Variants in LPGAT1 observed in about 807,000 individuals in gnomAD.
LPGAT1 encodes the protein acyl-CoA:lysophosphatidylglycerol acyltransferase 1.
A neutral mutation model predicts 47.5 loss-of-function variants in LPGAT1; 11 were observed. That is an observed-to-expected ratio of 0.23 (90% confidence interval 0.15 to 0.38). The LOEUF (loss-of-function observed/expected upper bound fraction) is 0.38, where lower values mean the gene tolerates loss of function less well. Ranked by LOEUF, LPGAT1 falls within the 10% of genes least tolerant of loss-of-function variation. The probability of loss-of-function intolerance (pLI) is 1.00; values close to 1 mark genes in which losing one functional copy is unlikely to be tolerated. For synonymous variants in LPGAT1, 138 were observed against 144.2 expected, an observed-to-expected ratio of 0.96 and a Z score of 0.31; for missense variants, 293 against 439.0, an observed-to-expected ratio of 0.67 and a Z score of 2.97.
chr1:211,806,235 G>A (rs1030598127), intron 2 of LPGAT1, among the ~76,000 whole-genome samples: 3 of 150,644 alleles, frequency 2.0e-5, no homozygotes, highest in African/African-American at 7.4e-5. Flanking sequence ...ATTACAGCCT[G>A]GGAAACAGGG....
chr1:211,749,845 T>C lies in LPGAT1; in HGVS notation c.*54A>G, dbSNP rs1657100326. On this transcript the variant is annotated 3_prime_UTR_variant, in exon 8 of 8. Coordinates refer to ENST00000366997, the MANE Select transcript of LPGAT1 (RefSeq NM_014873.3). ...TTTGCACATGTAAAATAATGCACAC[T>C]TATGAAAGAAAGTCTGAACTCCTAC... 6.4e-7 allele frequency: 1 copy of C among 1,569,088 alleles called. No homozygotes were observed. The highest frequency in any genetic ancestry group is 8.7e-7 in the Non-Finnish European group (1 of 1,150,584).
chr1:211,772,636 T>G (rs553892742), intron 6 of LPGAT1, among the ~76,000 whole-genome samples: 2 of 152,332 alleles, frequency 1.3e-5, no homozygotes, highest in African/African-American at 4.8e-5. Context: ...ACAAATAACA[T>G]TATATGATGC....
At position 211,748,254 on chromosome 1, in the gene LPGAT1, C is replaced by A. The variant is rs1328670298; in HGVS notation, c.*1645G>T. The A allele has an allele frequency of 1.3e-5, 2 of 152,594 alleles. No homozygotes were observed. The highest frequency in any genetic ancestry group is 4.8e-5 in the African/African-American group (2 of 41,434). 9.5% of individuals were successfully genotyped at this position (152,594 alleles called of 1,614,324 possible). ...ATAGTCTTACAATCCCAAACAAAAA[C>A]CCTACTCATCTCACTGATGCAGTAC... On this transcript the variant is annotated 3_prime_UTR_variant, in exon 8 of 8. Transcript: ENST00000366997.
chr1:211,824,327 G>A (rs1252838238), intron 2 of LPGAT1, among the ~76,000 whole-genome samples: 2 of 152,156 alleles, frequency 1.3e-5, no homozygotes, highest in Admixed American at 1.3e-4. Context: ...ACCTGAGAGA[G>A]AGAGGTTGTC....
At chr1:211,771,517 T>A (rs565178298) in intron 6 of LPGAT1, among the ~76,000 whole-genome samples, 8 of 152,118 alleles carry the variant, frequency 5.3e-5, no homozygotes, top group Non-Finnish European at 8.8e-5. Flanking sequence ...TATTATTATT[T>A]TTTTGAGACA....
At chr1:211,756,405 A>G (rs147020233) in intron 6 of LPGAT1, among the ~76,000 whole-genome samples, 12,753 of 152,260 alleles carry the variant, frequency 0.084, 658 homozygotes, top group Admixed American at 0.15. Flanking sequence ...ATCACAGCTC[A>G]CAGCAGCCTT....
intron 2 of LPGAT1, among the ~76,000 whole-genome samples, chr1:211,807,856 A>ACTTTTATG (rs1659818247): frequency 6.6e-6 from 1 of 152,122 alleles, no homozygotes; most frequent in Non-Finnish European, 1.5e-5. Context: ...TGACATGAAA[A>ACTTTTATG]ACACAAGCCA....
intron 5 of LPGAT1, 60 bp downstream of exon 5, chr1:211,783,169 C>A (rs1447516717): frequency 2.1e-6 from 3 of 1,414,398 alleles, no homozygotes; most frequent in Non-Finnish European, 2.9e-6. Context: ...TGATCATCTT[C>A]TGTAACTCCA....
At chr1:211,769,171 G>T (rs1332425009) in intron 6 of LPGAT1, among the ~76,000 whole-genome samples, 1 of 152,168 alleles carries the variant, frequency 6.6e-6, no homozygotes, top group Non-Finnish European at 1.5e-5. Context: ...GACACACTAG[G>T]AGCTTATGTA....
intron 2 of LPGAT1, among the ~76,000 whole-genome samples, chr1:211,809,943 G>A (rs191494679): frequency 9.2e-5 from 14 of 152,192 alleles, no homozygotes; most frequent in Admixed American, 3.3e-4. Context: ...CCAGGAATAC[G>A]TGTACAACAT....
chr1:211,779,410 G>A (rs1338985645), intron 5 of LPGAT1, among the ~76,000 whole-genome samples: 3 of 151,674 alleles, frequency 2.0e-5, no homozygotes, highest in East Asian at 1.9e-4. Flanking sequence ...AACAGACTTC[G>A]AAACAAAACA....
chr1:211,825,341 G>A (rs1397042126), intron 2 of LPGAT1, among the ~76,000 whole-genome samples: 1 of 151,740 alleles, frequency 6.6e-6, no homozygotes. Context: ...ACAGGCATAA[G>A]CCACTGTACC....
intron 3 of LPGAT1, among the ~76,000 whole-genome samples, chr1:211,791,765 AC>A (rs375507441): frequency 7.0e-6 from 1 of 142,012 alleles, no homozygotes; most frequent in Non-Finnish European, 1.6e-5. Context: ...AAAAAAAAAA[AC>A]AAACAAACAA....
chr1:211,784,593 A>C (rs184081436), intron 4 of LPGAT1, among the ~76,000 whole-genome samples: 9 of 152,114 alleles, frequency 5.9e-5, no homozygotes, highest in Middle Eastern at 3.4e-3. Flanking sequence ...CACACAAGGG[A>C]ATTTGATGAG....
chr1:211,790,689 C>T (rs914487876), intron 3 of LPGAT1, among the ~76,000 whole-genome samples: 1 of 152,006 alleles, frequency 6.6e-6, no homozygotes, highest in Non-Finnish European at 1.5e-5. Flanking sequence ...AAAAATGAAC[C>T]TAGCCTAACT....
At position 211,743,588 on chromosome 1, in the gene LPGAT1, G is replaced by C; in HGVS notation, c.*6311C>G. 1 of 152,092 alleles carries C rather than the reference G, an allele frequency of 6.6e-6. No homozygotes were observed. The highest frequency in any genetic ancestry group is 1.9e-4 in the East Asian group (1 of 5,196). The allele number at this position is 152,092 out of a possible 1,614,324, so 9.4% of individuals were successfully genotyped here. On this transcript the variant is annotated 3_prime_UTR_variant, in exon 8 of 8. Coordinates refer to ENST00000366997, the MANE Select transcript of LPGAT1 (RefSeq NM_014873.3). Reference sequence around the variant, plus strand: ...TTTTAAAAATACATTTGTTCAGCAGGAAAAAACATTTTAAAAACAAGCATT... The same window carrying C: ...TTTTAAAAATACATTTGTTCAGCAGCAAAAAACATTTTAAAAACAAGCATT...
intron 6 of LPGAT1, among the ~76,000 whole-genome samples, chr1:211,759,574 TTC>T (rs1342298448): frequency 2.6e-5 from 4 of 152,090 alleles, no homozygotes; most frequent in Non-Finnish European, 5.9e-5. Context: ...TAATTTGCTT[TTC>T]TTTTTCTTAT....
chr1:211,818,468 T>G (rs1660257197), intron 2 of LPGAT1, among the ~76,000 whole-genome samples: 2 of 152,228 alleles, frequency 1.3e-5, no homozygotes, highest in Non-Finnish European at 2.9e-5. Context: ...TTTTCATGTT[T>G]TGTGAAATCT....
intron 3 of LPGAT1, among the ~76,000 whole-genome samples, chr1:211,789,869 CA>C (rs10651480): frequency 1.4e-4 from 20 of 138,438 alleles, no homozygotes; most frequent in Non-Finnish European, 7.8e-5. Context: ...GACTCTGTCT[CA>C]AAAAAAAAAA....
Sources: gnomAD v4.1 joint callset for allele counts (sites outside exome capture counted in the v4.1 genomes callset) on GRCh38, gnomAD v4.1.1 for gene constraint, MANE v1.5 for transcripts, NCBI Gene and HGNC (gene_info 2026-07-23, HGNC 2026-07-21) for gene names.